USP24: variants seen among roughly 807,000 people sequenced by gnomAD.
USP24 encodes ubiquitin specific peptidase 24, also known as ubiquitin carboxyl-terminal hydrolase 24.
Under a neutral mutation model 361.6 loss-of-function variants are expected in USP24, and 97 were observed. The observed-to-expected ratio is 0.27, with a 90% CI of 0.23 to 0.32. The LOEUF is 0.32. Ranked by LOEUF, USP24 falls within the 10% of genes least tolerant of loss-of-function variation. The pLI is 1.00. For missense variants in USP24, 2,353 were observed against 3,165.6 expected (o/e 0.74, Z 6.16); for synonymous variants, 1,098 against 1,124.6 (o/e 0.98, Z 0.47).
intron 28 of USP24, among the ~76,000 whole-genome samples, chr1:55,137,233 A>G (rs78043319): frequency 0.025 from 3,747 of 152,306 alleles, 56 homozygotes; most frequent in Non-Finnish European, 0.037. Context: ...ACTTGAAAAG[A>G]GGCTAATTCT....
rs1644947337 is a variant in USP24, at chr1:55,214,873, C to T, written c.241G>A (p.Gly81Ser). 3 of 1,220,842 alleles carry T rather than the reference C, an allele frequency of 2.5e-6. No homozygotes were observed. Among genetic ancestry groups the T allele is most frequent in the Non-Finnish European group, 3.1e-6 (3 of 974,964 alleles). 75.6% of individuals were successfully genotyped at this position (1,220,842 alleles called of 1,614,324 possible). A position where few individuals can be genotyped will look rare whatever the true frequency, so the allele number is the denominator to read the frequency against. ...GTGCTCCCGCCGCGGGAGGGGCCGCCGCCGCCGCCGTCACCTCCGCCGTCG... is the reference window on the plus strand; with the variant it reads ...GTGCTCCCGCCGCGGGAGGGGCCGCTGCCGCCGCCGTCACCTCCGCCGTCG... ...RGDGGGDGGG[G>S]GPSRGGSTGG... is the part of the protein sequence containing the mutation. Residue 81 changes from glycine to serine, a missense_variant, in exon 1 of 68, where the codon GGC becomes AGC. Transcript: ENST00000294383.
intron 34 of USP24, 54 bp from the exon 35 acceptor site, chr1:55,124,682 G>A: frequency 2.5e-6 from 4 of 1,590,874 alleles, no homozygotes; most frequent in Non-Finnish European, 3.4e-6. Context: ...CACATGCCCT[G>A]ACATGTACAA....
intron 7 of USP24, 35 bp from the exon 8 acceptor site, chr1:55,162,299 G>T: frequency 1.3e-6 from 2 of 1,492,952 alleles, no homozygotes; most frequent in Non-Finnish European, 1.8e-6. Context: ...AAATACATTT[G>T]AGAGGATTTT....
At chr1:55,148,787 G>A (rs1647110960) in intron 16 of USP24, among the ~76,000 whole-genome samples, 1 of 152,188 alleles carries the variant, frequency 6.6e-6, no homozygotes, top group Non-Finnish European at 1.5e-5. Context: ...ACTGCAAACA[G>A]GAGTGGATGT....
At chr1:55,075,094 C>T (rs115219123) in intron 63 of USP24, among the ~76,000 whole-genome samples, 194 of 152,186 alleles carry the variant, frequency 1.3e-3, no homozygotes, top group African/African-American at 4.6e-3. Flanking sequence ...CAACATCCTG[C>T]GTCTCAGGTT....
chr1:55,167,746 G>C (rs1557661696), intron 5 of USP24, among the ~76,000 whole-genome samples: 1 of 152,134 alleles, frequency 6.6e-6, no homozygotes, highest in Non-Finnish European at 1.5e-5. Context: ...CTTGTTTATG[G>C]TTTGGTTATT....
chr1:55,081,123 AATG>A (rs1196707704), intron 59 of USP24, among the ~76,000 whole-genome samples, 196 bp downstream of exon 59: 2 of 152,138 alleles, frequency 1.3e-5, no homozygotes, highest in African/African-American at 4.8e-5. Flanking sequence ...CTCCCAAATG[AATG>A]ATGACTCACT....
At chr1:55,130,756 C>T (rs1646567156) in intron 31 of USP24, among the ~76,000 whole-genome samples, 1 of 152,174 alleles carries the variant, frequency 6.6e-6, no homozygotes, top group Admixed American at 6.5e-5. Context: ...ATTTAGTGAA[C>T]TGACAGGTTT....
In USP24 at chr1:55,066,647, G is replaced by C. The variant is rs550267593; in HGVS notation, c.*2398C>G. 3 of 152,290 alleles carry C rather than the reference G, an allele frequency of 2.0e-5. No individual in the cohort carries two copies. The highest frequency in any genetic ancestry group is 2.0e-4 in the Admixed American group (3 of 15,304). The allele number at this position is 152,290 out of a possible 1,614,324, so 9.4% of individuals were successfully genotyped here. A position where few individuals can be genotyped will look rare whatever the true frequency, so the allele number is the denominator to read the frequency against. On this transcript the variant is annotated 3_prime_UTR_variant, in exon 68 of 68. Coordinates refer to ENST00000294383, the MANE Select transcript of USP24 (RefSeq NM_015306.3). ...ACTGACTGTAGTTGTCAGTGACCGTGTGAGGACTCCAGGAGAAGTCGTGGT... is the reference window on the plus strand; with the variant it reads ...ACTGACTGTAGTTGTCAGTGACCGTCTGAGGACTCCAGGAGAAGTCGTGGT...
At chr1:55,098,799 G>C (rs1352964093) in intron 45 of USP24, among the ~76,000 whole-genome samples, 1 of 152,170 alleles carries the variant, frequency 6.6e-6, no homozygotes, top group African/African-American at 2.4e-5. Context: ...GTGTTCTCCA[G>C]GGTGATTCTG....
chr1:55,204,816 G>A (rs1481276996), intron 1 of USP24, among the ~76,000 whole-genome samples: 1 of 152,138 alleles, frequency 6.6e-6, no homozygotes, highest in Non-Finnish European at 1.5e-5. Context: ...GTTAAACTGG[G>A]TCATGGCTGT....
chr1:55,197,771 G>C (rs1406897216), intron 1 of USP24, among the ~76,000 whole-genome samples: 1 of 152,138 alleles, frequency 6.6e-6, no homozygotes, highest in East Asian at 1.9e-4. Context: ...TAGTGACCAG[G>C]TGCTTAGGAC....
In USP24 at chr1:55,066,631, AGTT is replaced by A. The variant is rs897362423; in HGVS notation, c.*2411_*2413del. 3.3e-5 allele frequency: 5 copies of A among 152,140 alleles called. No individual in the cohort carries two copies. Among genetic ancestry groups the A allele is most frequent in the African/African-American group, 4.8e-5 (2 of 41,426 alleles). The allele number at this position is 152,140 out of a possible 1,614,324, so 9.4% of individuals were successfully genotyped here. On this transcript the variant is annotated 3_prime_UTR_variant, in exon 68 of 68. Coordinates refer to ENST00000294383, the MANE Select transcript of USP24 (RefSeq NM_015306.3). ...CACTCTAGTTCCTAAAACTGACTGT[AGTT>A]GTCAGTGACCGTGTGAGGACTCCAG...
At chr1:55,130,302 G>C (rs1044678742) in intron 31 of USP24, among the ~76,000 whole-genome samples, 1 of 152,154 alleles carries the variant, frequency 6.6e-6, no homozygotes, top group African/African-American at 2.4e-5. Flanking sequence ...TTTTGTCCTA[G>C]TTTTCTCATC....
chr1:55,100,557 G>A (rs1051713635), intron 44 of USP24, among the ~76,000 whole-genome samples: 1 of 151,812 alleles, frequency 6.6e-6, no homozygotes, highest in Non-Finnish European at 1.5e-5. Context: ...CAGGGTCAGG[G>A]GAATGATATG....
At chr1:55,078,461 C>T in intron 61 of USP24, 77 bp downstream of exon 61, 1 of 1,156,976 alleles carries the variant, frequency 8.6e-7, no homozygotes, top group Non-Finnish European at 1.2e-6. Context: ...AAGCATACTG[C>T]CTTGGAGCAA....
At position 55,215,275 on chromosome 1, in the gene USP24, C is replaced by T. The variant is rs557976473; in HGVS notation, c.-162G>A. ...GCAGCCGGGCCAGGCTGGGTGCGGG[C>T]TTGGGTCCTGCGAGCCGAGCTAGTG... On this transcript the variant is annotated 5_prime_UTR_variant, in exon 1 of 68. Transcript: ENST00000294383. Among the ~76,000 whole-genome samples the T allele has an allele frequency of 1.3e-5, 2 of 151,862 alleles. No homozygotes were observed. The highest frequency in any genetic ancestry group is 3.9e-4 in the East Asian group (2 of 5,112).
At chr1:55,149,661 T>G (rs559626465) in intron 16 of USP24, among the ~76,000 whole-genome samples, 1 of 152,156 alleles carries the variant, frequency 6.6e-6, no homozygotes, top group Non-Finnish European at 1.5e-5. Context: ...TTTAGACAAT[T>G]ATGTCAAAAG....
In USP24 at chr1:55,154,797, G is replaced by A; in HGVS notation, c.1447-19C>T. ...GTCCTGACTGGAAAAGGAAACATTG[G>A]AAAAAAATTAAGTCTTGGAACTCGG... On this transcript the variant is annotated intron_variant, in intron 12 of 67. Coordinates refer to ENST00000294383, the MANE Select transcript of USP24 (RefSeq NM_015306.3). The A allele has an allele frequency of 6.3e-7, 1 of 1,592,768 alleles. No individual in the cohort carries two copies. The highest frequency in any genetic ancestry group is 8.6e-7 in the Non-Finnish European group (1 of 1,167,940).
Sources: allele counts gnomAD v4.1 joint callset (sites outside exome capture counted in the v4.1 genomes callset), GRCh38; gene constraint gnomAD v4.1.1; transcripts MANE v1.5; gene names NCBI Gene and HGNC (gene_info 2026-07-23, HGNC 2026-07-21).